The following ANKS1B variants were observed in gnomAD, a reference collection of about 807,000 sequenced individuals.
The protein encoded by ANKS1B is ankyrin repeat and sterile alpha motif domain-containing protein 1B.
In ANKS1B, 36 loss-of-function variants were observed where a neutral mutation model predicts 148.3. The ratio of observed to expected loss-of-function variants is 0.24; its 90% CI spans 0.19 to 0.32. The LOEUF is 0.32. Ranked by LOEUF, ANKS1B falls within the 10% of genes least tolerant of loss-of-function variation. The probability of loss-of-function intolerance (pLI) is 1.00; values close to 1 mark genes in which losing one functional copy is unlikely to be tolerated. For synonymous variants in ANKS1B, 542 were observed against 560.8 expected (o/e 0.97, Z 0.47); for missense variants, 1,157 against 1,542.6 (o/e 0.75, Z 4.19).
intron 22 of ANKS1B, among the ~76,000 whole-genome samples, chr12:98,792,021 A>G (rs1566560349): frequency 6.6e-6 from 1 of 152,212 alleles, no homozygotes; most frequent in Non-Finnish European, 1.5e-5. Context: ...CAACTAGGGC[A>G]TGGATTATTA....
chr12:99,198,155 A>G (rs1003565567), intron 14 of ANKS1B, among the ~76,000 whole-genome samples: 1 of 152,150 alleles, frequency 6.6e-6, no homozygotes, highest in African/African-American at 2.4e-5. Context: ...TCTTATGGCC[A>G]CACAGCACTC....
chr12:99,510,813 A>G (rs979739988), intron 9 of ANKS1B, among the ~76,000 whole-genome samples: 1 of 151,976 alleles, frequency 6.6e-6, no homozygotes, highest in Non-Finnish European at 1.5e-5. Context: ...TGAAAGGAAG[A>G]CTCAAATAAT....
At chr12:99,908,783 T>C (rs941701476) in intron 1 of ANKS1B, among the ~76,000 whole-genome samples, 7 of 152,234 alleles carry the variant, frequency 4.6e-5, no homozygotes, top group Non-Finnish European at 7.3e-5. Flanking sequence ...GTTATACATA[T>C]ACATAGTGAA....
chr12:98,921,245 A>C, intron 17 of ANKS1B, among the ~76,000 whole-genome samples: 1 of 152,102 alleles, frequency 6.6e-6, no homozygotes, highest in East Asian at 1.9e-4. Context: ...TAGAGTATAC[A>C]CCATATGCCA....
intron 17 of ANKS1B, among the ~76,000 whole-genome samples, chr12:98,892,624 T>C (rs1366540647): frequency 6.6e-6 from 1 of 152,236 alleles, no homozygotes; most frequent in African/African-American, 2.4e-5. Flanking sequence ...TTTATGTTGT[T>C]AGTAACTATT....
chr12:98,908,465 GGGT>G (rs1016005897), intron 17 of ANKS1B, among the ~76,000 whole-genome samples: 1 of 152,102 alleles, frequency 6.6e-6, no homozygotes, highest in Non-Finnish European at 1.5e-5. Context: ...TTATACACTG[GGGT>G]GGTTCCCTAA....
intron 17 of ANKS1B, among the ~76,000 whole-genome samples, chr12:98,944,851 G>A (rs2099842655): frequency 6.6e-6 from 1 of 152,226 alleles, no homozygotes; most frequent in Admixed American, 6.5e-5. Flanking sequence ...TCTCCATGAA[G>A]TCCCGCTCAC....
At chr12:98,836,674 AG>A (rs1413794503) in intron 17 of ANKS1B, among the ~76,000 whole-genome samples, 2 of 152,212 alleles carry the variant, frequency 1.3e-5, no homozygotes, top group Non-Finnish European at 2.9e-5. Flanking sequence ...TGAAAACTTT[AG>A]TTTTCAAGAA....
At chr12:99,719,310 G>T (rs1045909503) in intron 8 of ANKS1B, among the ~76,000 whole-genome samples, 3 of 151,700 alleles carry the variant, frequency 2.0e-5, no homozygotes, top group Non-Finnish European at 4.4e-5. Flanking sequence ...ACTCTTTGTT[G>T]AGTCTCCCAC....
At chr12:98,860,309 C>T (rs2099592356) in intron 17 of ANKS1B, among the ~76,000 whole-genome samples, 1 of 152,208 alleles carries the variant, frequency 6.6e-6, no homozygotes, top group Non-Finnish European at 1.5e-5. Flanking sequence ...GCTCTTCAAA[C>T]TGGGGCCTCT....
At chr12:99,714,980 T>G (rs553684670) in intron 8 of ANKS1B, among the ~76,000 whole-genome samples, 1 of 141,878 alleles carries the variant, frequency 7.0e-6, no homozygotes, top group Non-Finnish European at 1.5e-5. Context: ...AAAAAAAAAA[T>G]TAGCTGGGCA....
At chr12:98,957,294 T>G (rs1597559938) in intron 17 of ANKS1B, among the ~76,000 whole-genome samples, 1 of 151,332 alleles carries the variant, frequency 6.6e-6, no homozygotes, top group Non-Finnish European at 1.5e-5. Flanking sequence ...CAGTGGATGC[T>G]CCAGGATTTT....
chr12:99,162,886 C>T (rs947906300), intron 14 of ANKS1B, among the ~76,000 whole-genome samples: 1 of 152,040 alleles, frequency 6.6e-6, no homozygotes, highest in Non-Finnish European at 1.5e-5. Context: ...GGTAAAACCT[C>T]GTCTCTACTA....
chr12:99,966,421 T>G (rs1278130913), intron 1 of ANKS1B, among the ~76,000 whole-genome samples: 1 of 152,220 alleles, frequency 6.6e-6, no homozygotes, highest in Non-Finnish European at 1.5e-5. Context: ...TAAAAATATT[T>G]GACAGTATGT....
chr12:99,112,331 T>C lies in ANKS1B; in HGVS notation c.2527-27308A>G, dbSNP rs989636066. Among the ~76,000 whole-genome samples, 4 of 152,280 alleles carry C rather than the reference T, an allele frequency of 2.6e-5. 1 individual carries two copies. In the South Asian group the frequency reaches 8.3e-4, roughly 32 times the overall value. On this transcript the variant is annotated intron_variant, in intron 15 of 26. Coordinates refer to ENST00000683438, the MANE Select transcript of ANKS1B (RefSeq NM_001352186.2). ...TGTAAATGTATCTGTGATAAATAAC[T>C]ACTAGTTTGAGAATATTAGTATTTT... is the stretch of plus-strand genomic sequence containing the variant.
At chr12:99,940,002 G>A (rs1051317572) in intron 1 of ANKS1B, among the ~76,000 whole-genome samples, 14 of 152,118 alleles carry the variant, frequency 9.2e-5, no homozygotes, top group Admixed American at 5.2e-4. Context: ...CAGTTAAGAC[G>A]TACTTTCATT....
At chr12:99,498,371 G>A (rs2152988852) in intron 10 of ANKS1B, among the ~76,000 whole-genome samples, 1 of 152,052 alleles carries the variant, frequency 6.6e-6, no homozygotes, top group East Asian at 1.9e-4. Flanking sequence ...ATGCCAAGTG[G>A]GCATAGTCTC....
At chr12:99,353,075 C>T (rs1014858775) in intron 12 of ANKS1B, among the ~76,000 whole-genome samples, 1 of 151,986 alleles carries the variant, frequency 6.6e-6, no homozygotes, top group East Asian at 1.9e-4. Context: ...GCCCAAGCCC[C>T]GGTTACCCTT....
chr12:99,212,736 G>T (rs2083517890), intron 14 of ANKS1B, among the ~76,000 whole-genome samples: 1 of 152,210 alleles, frequency 6.6e-6, no homozygotes, highest in East Asian at 1.9e-4. Flanking sequence ...AGGGCTCTGG[G>T]GTCTCTTCAA....
Sources: allele counts gnomAD v4.1 joint callset (sites outside exome capture counted in the v4.1 genomes callset), GRCh38; gene constraint gnomAD v4.1.1; transcripts MANE v1.5; gene names NCBI Gene and HGNC (gene_info 2026-07-23, HGNC 2026-07-21).